Variants in PLD1 observed in about 807,000 individuals in gnomAD.
PLD1 encodes choline phosphatase 1.
PLD1 carries 112 observed loss-of-function variants against 137.1 expected under a neutral mutation model. The observed-to-expected ratio is 0.82, with a 90% confidence interval of 0.70 to 0.96. PLD1 has a LOEUF of 0.96. Among genes scored for constraint, PLD1 ranks in the 40% least tolerant of loss-of-function variants. The pLI is 0.00. For missense variants in PLD1, 1,321 were observed against 1,342.0 expected, an observed-to-expected ratio of 0.98 and a Z score of 0.24; for synonymous variants, 431 against 454.7, an observed-to-expected ratio of 0.95 and a Z score of 0.66.
chr3:171,659,250 C>T lies in PLD1; in HGVS notation c.2392G>A (p.Gly798Ser), dbSNP rs1416261112. ...AGGATCCTCTGGGCAATGGCATCGC[C>T]TATCTTGTTGAACACAACTTTGTCA... ...ADDKVVFNKI[G>S]DAIAQRILKA... The change falls in exon 21 of 27, where the codon GGC (glycine) becomes AGC (serine). Residue 798 changes from glycine to serine, a missense_variant. By Grantham distance (56) the Gly-to-Ser change is moderately conservative. Transcript: ENST00000351298. 1 of 1,613,802 alleles carries T rather than the reference C, an allele frequency of 6.2e-7. No homozygotes were observed. Among genetic ancestry groups the T allele is most frequent in the South Asian group, 1.1e-5 (1 of 91,066 alleles).
chr3:171,720,518 G>A (rs1718050370), intron 8 of PLD1, among the ~76,000 whole-genome samples: 1 of 151,526 alleles, frequency 6.6e-6, no homozygotes, highest in Non-Finnish European at 1.5e-5. Flanking sequence ...GGGAGGCGGA[G>A]CTTGCAGTGA....
chr3:171,798,206 C>G (rs943583127), intron 1 of PLD1, among the ~76,000 whole-genome samples: 5 of 152,202 alleles, frequency 3.3e-5, no homozygotes, highest in Admixed American at 3.3e-4. Flanking sequence ...TAAGGGAGTG[C>G]TCAGTGAATT....
At chr3:171,706,583 T>C (rs1716712486) in intron 11 of PLD1, among the ~76,000 whole-genome samples, 1 of 152,186 alleles carries the variant, frequency 6.6e-6, no homozygotes, top group African/African-American at 2.4e-5. Context: ...TTTTCTTTTG[T>C]ATTCTCCTGT....
chr3:171,705,457 A>T (rs1716604608), intron 11 of PLD1, among the ~76,000 whole-genome samples: 1 of 152,198 alleles, frequency 6.6e-6, no homozygotes, highest in Non-Finnish European at 1.5e-5. Context: ...TCTCAACAGA[A>T]ATCATGGAGG....
intron 19 of PLD1, among the ~76,000 whole-genome samples, chr3:171,672,550 C>A (rs1712892248): frequency 6.6e-6 from 1 of 150,820 alleles, no homozygotes; most frequent in African/African-American, 2.4e-5. Flanking sequence ...TGCAGGGGTG[C>A]AATTATGGCT....
Position 171,612,494 on chromosome 3 carries a change from C to T in PLD1, c.2729-62G>A. ...GTTGTGGCAGACACTGTTGGTTGCC[C>T]TCCCAACTCAATTCATCCTTGCAAA... On this transcript the variant is annotated intron_variant, in intron 24 of 26. Coordinates refer to ENST00000351298, the MANE Select transcript of PLD1 (RefSeq NM_002662.5). This position sits in a 1 kb window ranked among gnomAD's most constrained non-coding sequence, Gnocchi z 4.1. 1 of 1,476,196 alleles carries T rather than the reference C, an allele frequency of 6.8e-7. No homozygotes were observed. Among genetic ancestry groups the T allele is most frequent in the East Asian group, 2.3e-5 (1 of 43,934 alleles). The allele number at this position is 1,476,196 out of a possible 1,614,324, so 91.4% of individuals were successfully genotyped here. A position where few individuals can be genotyped will look rare whatever the true frequency, so the allele number is the denominator to read the frequency against.
intron 26 of PLD1, among the ~76,000 whole-genome samples, chr3:171,603,869 T>C (rs1732002535): frequency 6.6e-6 from 1 of 152,172 alleles, no homozygotes. Context: ...TCATTTAAGT[T>C]ATGCTTCATA....
At chr3:171,721,807 T>A (rs1010445969) in intron 8 of PLD1, among the ~76,000 whole-genome samples, 1 of 151,884 alleles carries the variant, frequency 6.6e-6, no homozygotes, top group Non-Finnish European at 1.5e-5. Flanking sequence ...GAAAAAAAAC[T>A]TTTTTCCCTT....
intron 1 of PLD1, among the ~76,000 whole-genome samples, chr3:171,794,606 A>T (rs1723354598): frequency 6.6e-6 from 1 of 152,294 alleles, no homozygotes; most frequent in African/African-American, 2.4e-5. Flanking sequence ...TGATAGAGAA[A>T]ATGTTAATAA....
chr3:171,713,858 TG>T (rs757734581), intron 9 of PLD1, 34 bp downstream of exon 9: 3 of 1,559,918 alleles, frequency 1.9e-6, no homozygotes, highest in Non-Finnish European at 2.6e-6. Flanking sequence ...AAGGCATTTT[TG>T]TAGAAATCTT....
intron 1 of PLD1, among the ~76,000 whole-genome samples, chr3:171,800,294 C>T (rs1373338500): frequency 1.3e-5 from 2 of 151,990 alleles, no homozygotes; most frequent in Non-Finnish European, 1.5e-5. Flanking sequence ...CTGCAACCTC[C>T]GTCTCCCTGG....
intron 22 of PLD1, chr3:171,643,270 A>G (rs1003145605): frequency 2.1e-4 from 36 of 171,168 alleles, no homozygotes; most frequent in Non-Finnish European, 3.7e-4. Context: ...TCAGAGGTGA[A>G]AAGGGCAAGC....
intron 25 of PLD1, among the ~76,000 whole-genome samples, chr3:171,606,332 T>A (rs1252901030): frequency 6.6e-6 from 1 of 152,180 alleles, no homozygotes; most frequent in African/African-American, 2.4e-5. Flanking sequence ...TGTTGAGACA[T>A]CTATTAAAGA....
chr3:171,651,440 T>G (rs775857499), intron 21 of PLD1, among the ~76,000 whole-genome samples: 1 of 152,120 alleles, frequency 6.6e-6, no homozygotes, highest in Non-Finnish European at 1.5e-5. Flanking sequence ...TTTTATTTTG[T>G]GCTTGGCAAA....
intron 1 of PLD1, among the ~76,000 whole-genome samples, chr3:171,769,292 T>C (rs563027372): frequency 6.6e-6 from 1 of 152,234 alleles, no homozygotes; most frequent in Non-Finnish European, 1.5e-5. Context: ...CAAATGAGTT[T>C]CATGTAAGCT....
At chr3:171,776,863 T>G (rs188973755) in intron 1 of PLD1, among the ~76,000 whole-genome samples, 6 of 152,350 alleles carry the variant, frequency 3.9e-5, no homozygotes, top group Admixed American at 3.3e-4. Context: ...GCGCGTGTGA[T>G]AGCACCCTTT....
intron 1 of PLD1, chr3:171,765,570 A>C (rs980991866): frequency 6.6e-6 from 1 of 152,246 alleles, no homozygotes; most frequent in Non-Finnish European, 1.5e-5. Context: ...TATAAAGAGC[A>C]GCAGAGGGGG....
chr3:171,675,778 G>T (rs1296810176), intron 18 of PLD1, among the ~76,000 whole-genome samples: 1 of 151,816 alleles, frequency 6.6e-6, no homozygotes. Context: ...AACGACCAAG[G>T]GGAATCATGA....
chr3:171,650,283 T>C (rs549654053), intron 21 of PLD1, among the ~76,000 whole-genome samples: 3 of 152,246 alleles, frequency 2.0e-5, no homozygotes, highest in South Asian at 4.1e-4. Context: ...TGTGAGGATA[T>C]GAGAGCCAGG....
Sources: gnomAD v4.1 joint callset for allele counts (sites outside exome capture counted in the v4.1 genomes callset) on GRCh38, gnomAD v4.1.1 for gene constraint, Gnocchi (gnomAD v3.1) non-coding constraint, MANE v1.5 for transcripts, NCBI Gene and HGNC (gene_info 2026-07-23, HGNC 2026-07-21) for gene names.